CARS1: variants seen among roughly 807,000 people sequenced by gnomAD.
CARS1 encodes cysteine--tRNA ligase, cytoplasmic.
A neutral mutation model predicts 106.2 loss-of-function variants in CARS1; 48 were observed. The ratio of observed to expected loss-of-function variants is 0.45; its 90% CI spans 0.36 to 0.57. The LOEUF (loss-of-function observed/expected upper bound fraction) is 0.57. Among genes scored for constraint, CARS1 ranks in the 20% least tolerant of loss-of-function variants. The probability of loss-of-function intolerance (pLI) is 0.00; values close to 1 mark genes in which losing one functional copy is unlikely to be tolerated. For synonymous variants in CARS1, 409 were observed against 403.4 expected (o/e 1.01, Z -0.17); for missense variants, 968 against 1,057.2 (o/e 0.92, Z 1.17).
At position 3,039,641 on chromosome 11, in the gene CARS1, G is replaced by A. The variant is rs115893123; in HGVS notation, c.552+194C>T. Reference sequence around the variant, plus strand: ...CTGAGCAACATGCAGGTTTCTAACCGTGTCTGAACATCATAGAAATGATCA... The same window carrying A: ...CTGAGCAACATGCAGGTTTCTAACCATGTCTGAACATCATAGAAATGATCA... On this transcript the variant is annotated intron_variant, in intron 5 of 22. Transcript: ENST00000380525. The surrounding 1 kb of genome is among the most constrained non-coding windows in gnomAD (Gnocchi z 5.6). 8.3e-3 allele frequency among the ~76,000 whole-genome samples: 1,267 copies of A among 152,332 alleles called. 17 individuals are homozygous for A. Among genetic ancestry groups the A allele is most frequent in the African/African-American group, 0.029 (1,190 of 41,566 alleles).
intron 22 of CARS1, 46 bp from the exon 23 acceptor site, chr11:3,001,294 G>C: frequency 6.2e-7 from 1 of 1,603,822 alleles, no homozygotes; most frequent in East Asian, 2.2e-5. Context: ...CTGCACCTGG[G>C]TAACCCCAAC....
rs376688151 is a variant in CARS1 at position 3,041,001 on chromosome 11, G to C, written c.367-17C>G. The C allele has an allele frequency of 8.7e-6, 14 of 1,613,922 alleles. No individual in the cohort carries two copies. Among genetic ancestry groups the C allele is most frequent in the Non-Finnish European group, 1.1e-5 (13 of 1,179,956 alleles). On this transcript the variant is annotated splice_polypyrimidine_tract_variant and intron_variant, in intron 3 of 22. Coordinates refer to ENST00000380525, the MANE Select transcript of CARS1 (RefSeq NM_001014437.3). The surrounding 1 kb of genome is among the most constrained non-coding windows in gnomAD (Gnocchi z 4.9). ...GAACACTTCCTTTGTTAGGAATGAA[G>C]GAATGACGATCACAAGAAATGCAAG...
Position 3,029,073 on chromosome 11 carries a change from T to C in CARS1, c.954A>G (p.Pro318=), listed in dbSNP as rs1852416001. 1.2e-6 allele frequency: 2 copies of C among 1,612,244 alleles called. No homozygotes were observed. Among genetic ancestry groups the C allele is most frequent in the Non-Finnish European group, 1.7e-6 (2 of 1,178,286 alleles). ...ACTCACTAACCCGGGTTAAGACATC[T>C]GGAGGGAGAACCTGTGCAAGACATG... ...RDMEALNVLP[P]DVLTRVSEYV... Residue 318 remains proline, a synonymous_variant, in exon 9 of 23, where the codon CCA becomes CCG. Coordinates refer to ENST00000380525, the MANE Select transcript of CARS1 (RefSeq NM_001014437.3). The surrounding 1 kb of genome is among the most constrained non-coding windows in gnomAD (Gnocchi z 5.9).
At position 3,017,585 on chromosome 11, in the gene CARS1, G is replaced by A. The variant is rs906326704; in HGVS notation, c.1727+272C>T. ...TCGAACCCGGGAGGTGGAGGTTGTG[G>A]TGAGCCGAGATCACGCCACTGCACT... On this transcript the variant is annotated intron_variant, in intron 15 of 22. Coordinates refer to ENST00000380525, the MANE Select transcript of CARS1 (RefSeq NM_001014437.3). This position sits in a 1 kb window ranked among gnomAD's most constrained non-coding sequence, Gnocchi z 4.9. The A allele has an allele frequency of 7.2e-6, 4 of 557,634 alleles. No individual in the cohort carries two copies. The allele number at this position is 557,634 out of a possible 1,614,324, so 34.5% of individuals were successfully genotyped here. A position where few individuals can be genotyped will look rare whatever the true frequency, so the allele number is the denominator to read the frequency against.
In CARS1 at chr11:3,022,960, G is replaced by C. The variant is rs950288894; in HGVS notation, c.1154-2628C>G. ...GGGGGGAGGTTGCGGGGGTGGTCAT[G>C]TGCCCACGTCTGATCACTGACTGTG... On this transcript the variant is annotated intron_variant, in intron 10 of 22. Transcript: ENST00000380525. This position sits in a 1 kb window ranked among gnomAD's most constrained non-coding sequence, Gnocchi z 4.9. Among the ~76,000 whole-genome samples, 18 of 152,194 alleles carry C rather than the reference G, an allele frequency of 1.2e-4. No homozygotes were observed. The highest frequency in any genetic ancestry group is 2.6e-4 in the Non-Finnish European group (18 of 68,036).
intron 16 of CARS1, 152 bp from the exon 17 acceptor site, chr11:3,016,001 G>T: frequency 1.5e-6 from 1 of 682,394 alleles, no homozygotes; most frequent in Non-Finnish European, 2.6e-6. Context: ...CCAGAAACCC[G>T]AGCCTGAGGG....
intron 7 of CARS1, among the ~76,000 whole-genome samples, chr11:3,033,610 A>C (rs900709697): frequency 3.9e-5 from 6 of 152,264 alleles, no homozygotes; most frequent in Non-Finnish European, 8.8e-5. Context: ...ATAGCCTTAA[A>C]TTCTTAAATC....
At chr11:3,042,814 A>G (rs1854655173) in intron 2 of CARS1, among the ~76,000 whole-genome samples, 1 of 152,208 alleles carries the variant, frequency 6.6e-6, no homozygotes, top group Non-Finnish European at 1.5e-5. Context: ...GTTGGGACAG[A>G]GGCCACCTCC....
chr11:3,007,068 G>A (rs189170167), intron 18 of CARS1, 109 bp from the exon 19 acceptor site: 21 of 893,144 alleles, frequency 2.4e-5, no homozygotes, highest in Non-Finnish European at 3.1e-5. Context: ...CAGAACAAGT[G>A]CCTCCTCCAG....
At chr11:3,001,758 G>T (rs1436894673) in intron 22 of CARS1, among the ~76,000 whole-genome samples, 1 of 152,226 alleles carries the variant, frequency 6.6e-6, no homozygotes, top group Non-Finnish European at 1.5e-5. Flanking sequence ...CAGTGGAGGG[G>T]GCCCTGGCAC....
chr11:3,016,275 C>A (rs1222365863), intron 16 of CARS1, among the ~76,000 whole-genome samples: 3 of 150,112 alleles, frequency 2.0e-5, no homozygotes, highest in Non-Finnish European at 3.0e-5. Context: ...GGCTGGAGTG[C>A]AATGGCGCAA....
Position 3,046,114 on chromosome 11 carries a change from T to C in CARS1, c.274+1639A>G, listed in dbSNP as rs1186305239. ...CCTGGGGAGGGCACAGCAACTCCAT[T>C]AGTGCTATCCATGGTCCATTCTGTT... On this transcript the variant is annotated intron_variant, in intron 2 of 22. Transcript: ENST00000380525. This position sits in a 1 kb window ranked among gnomAD's most constrained non-coding sequence, Gnocchi z 5.8. Among the ~76,000 whole-genome samples, 5 of 152,152 alleles carry C rather than the reference T, an allele frequency of 3.3e-5. No individual in the cohort carries two copies. Among genetic ancestry groups the C allele is most frequent in the Admixed American group, 1.3e-4 (2 of 15,284 alleles).
intron 7 of CARS1, among the ~76,000 whole-genome samples, chr11:3,035,138 T>C (rs1453033063): frequency 6.6e-6 from 1 of 152,168 alleles, no homozygotes; most frequent in African/African-American, 2.4e-5. Flanking sequence ...TTAATACTGT[T>C]ACACTAGGGA....
Position 3,020,084 on chromosome 11 carries a change from G to C in CARS1, c.1266+136C>G. On this transcript the variant is annotated intron_variant, in intron 11 of 22. Coordinates refer to ENST00000380525, the MANE Select transcript of CARS1 (RefSeq NM_001014437.3). The surrounding 1 kb of genome is among the most constrained non-coding windows in gnomAD (Gnocchi z 4.6). ...CCAGGTCCCCGGGGCCAGGCAGCCT[G>C]TGCTGCACCAGCACCAGGCTCTGGC... 1 of 665,576 alleles carries C rather than the reference G, an allele frequency of 1.5e-6. No homozygotes were observed. The highest frequency in any genetic ancestry group is 2.6e-5 in the East Asian group (1 of 38,650). The allele number at this position is 665,576 out of a possible 1,614,324, so 41.2% of individuals were successfully genotyped here.
In CARS1 at chr11:3,003,149, G is replaced by C. The variant is rs1383362378; in HGVS notation, c.2218-549C>G. 6.6e-6 allele frequency among the ~76,000 whole-genome samples: 1 copy of C among 152,216 alleles called. No homozygotes were observed. The highest frequency in any genetic ancestry group is 2.4e-5 in the African/African-American group (1 of 41,462). ...AGGACAGTCTGATGCTGCAGGGAGA[G>C]CTTATTAGTGGAGCCAGCAGGCTGG... On this transcript the variant is annotated intron_variant, in intron 20 of 22. Coordinates refer to ENST00000380525, the MANE Select transcript of CARS1 (RefSeq NM_001014437.3). The surrounding 1 kb of genome is among the most constrained non-coding windows in gnomAD (Gnocchi z 4.8).
chr11:3,020,205 A>G lies in CARS1; in HGVS notation c.1266+15T>C, dbSNP rs1851446116. ...CCCCTGTCCAAGCCCCACACCTTCT[A>G]GGCCACTCGCTCACCTTTCCCCAAG... On this transcript the variant is annotated intron_variant, in intron 11 of 22. Transcript: ENST00000380525. This position sits in a 1 kb window ranked among gnomAD's most constrained non-coding sequence, Gnocchi z 4.6. The G allele has an allele frequency of 1.3e-6, 2 of 1,487,170 alleles. No individual in the cohort carries two copies. The highest frequency in any genetic ancestry group is 2.3e-5 in the South Asian group (2 of 88,594). The allele number at this position is 1,487,170 out of a possible 1,614,324, so 92.1% of individuals were successfully genotyped here. A position where few individuals can be genotyped will look rare whatever the true frequency, so the allele number is the denominator to read the frequency against.
chr11:3,057,310 C>T (rs1856315539), intron 1 of CARS1, 33 bp downstream of exon 1: 2 of 1,597,958 alleles, frequency 1.3e-6, no homozygotes, highest in Non-Finnish European at 1.7e-6. Flanking sequence ...AGGCCCCCAG[C>T]CGCCCTCAGC....
intron 10 of CARS1, among the ~76,000 whole-genome samples, 164 bp downstream of exon 10, chr11:3,026,512 A>G (rs1280698164): frequency 6.6e-6 from 1 of 152,202 alleles, no homozygotes; most frequent in East Asian, 1.9e-4. Flanking sequence ...AGAGCTGCAC[A>G]ATGTTGAGTG....
rs1375578269 is a variant in CARS1 at position 3,044,799 on chromosome 11, G to A, written c.275-2543C>T. On this transcript the variant is annotated intron_variant, in intron 2 of 22. Transcript: ENST00000380525. The surrounding 1 kb of genome is among the most constrained non-coding windows in gnomAD (Gnocchi z 4.4). ...CAGACCAACTATGAACCGCTCATGA[G>A]AGACATGGCTTTGAAACAGGGATGT... Among the ~76,000 whole-genome samples, 1 of 152,102 alleles carries A rather than the reference G, an allele frequency of 6.6e-6. No homozygotes were observed. The highest frequency in any genetic ancestry group is 2.4e-5 in the African/African-American group (1 of 41,416).
Sources: allele counts gnomAD v4.1 joint callset (sites outside exome capture counted in the v4.1 genomes callset), GRCh38; gene constraint gnomAD v4.1.1; non-coding constraint Gnocchi (gnomAD v3.1); transcripts MANE v1.5; gene names NCBI Gene and HGNC (gene_info 2026-07-23, HGNC 2026-07-21).